PRMT8: variants seen among roughly 807,000 people sequenced by gnomAD.
PRMT8 encodes protein arginine methyltransferase 8.
A neutral mutation model predicts 47.1 loss-of-function variants in PRMT8; 7 were observed. That is an observed-to-expected ratio of 0.15 (90% CI 0.08 to 0.28). PRMT8 has a LOEUF of 0.28. Ranked by LOEUF, PRMT8 falls within the 10% of genes least tolerant of loss-of-function variation. The pLI, the probability that PRMT8 is intolerant of heterozygous loss-of-function variation, is 1.00. For missense variants in PRMT8, 237 were observed against 505.4 expected (o/e 0.47, Z 5.09); for synonymous variants, 188 against 186.5 (o/e 1.01, Z -0.07).
intron 1 of PRMT8, among the ~76,000 whole-genome samples, chr12:3,413,545 C>T (rs1864453568): frequency 6.6e-6 from 1 of 152,162 alleles, no homozygotes; most frequent in Non-Finnish European, 1.5e-5. Flanking sequence ...TCTTCAGGGG[C>T]AATAACAGGC....
rs547703908 is a variant in PRMT8, at chr12:3,466,431, G to A, written c.49-74175G>A. Among the ~76,000 whole-genome samples, 175 of 152,282 alleles carry A rather than the reference G, an allele frequency of 1.1e-3. 2 individuals are homozygous for A. The highest frequency in any genetic ancestry group is 4.0e-3 in the African/African-American group (166 of 41,556). On this transcript the variant is annotated intron_variant, in intron 1 of 9. Transcript: ENST00000452611. ...TGAGTGGAGTCCTGGCCCTGTTGTA[G>A]GTTAGTAGTGTGAATCTGGGCAAGT...
At chr12:3,420,659 G>A (rs1021902950) in intron 1 of PRMT8, among the ~76,000 whole-genome samples, 13 of 152,130 alleles carry the variant, frequency 8.5e-5, no homozygotes, top group Non-Finnish European at 1.3e-4. Context: ...CGGTGGAGGC[G>A]GTCACCACGG....
chr12:3,491,192 G>A (rs1591567610), upstream of PRMT8: 13 of 992,964 alleles, frequency 1.3e-5, no homozygotes, highest in African/African-American at 3.5e-5. Flanking sequence ...GAGACGCGCA[G>A]GAAGCGTGTT....
Position 3,564,113 on chromosome 12 carries a change from A to T in PRMT8, c.482-4593A>T, listed in dbSNP as rs961640449. Among the ~76,000 whole-genome samples, 4 of 152,236 alleles carry T rather than the reference A, an allele frequency of 2.6e-5. No individual in the cohort carries two copies. The highest frequency in any genetic ancestry group is 9.6e-5 in the African/African-American group (4 of 41,462). On this transcript the variant is annotated intron_variant, in intron 4 of 9. Coordinates refer to ENST00000382622, the MANE Select transcript of PRMT8 (RefSeq NM_019854.5). The surrounding 1 kb of genome is among the most constrained non-coding windows in gnomAD (Gnocchi z 4.0). ...GGCCCTCCGCAGGTGCAAGGCAGCC[A>T]GCATGGGTGTCACCAAAATAGGTGT...
At chr12:3,408,296 T>G (rs1330800184) in intron 1 of PRMT8, among the ~76,000 whole-genome samples, 1 of 151,876 alleles carries the variant, frequency 6.6e-6, no homozygotes, top group Non-Finnish European at 1.5e-5. Flanking sequence ...TGCAGTGGTG[T>G]GATTTCAGCT....
intron 1 of PRMT8, among the ~76,000 whole-genome samples, chr12:3,397,468 C>A (rs1446476922): frequency 4.7e-5 from 7 of 150,330 alleles, no homozygotes; most frequent in Admixed American, 4.6e-4. Context: ...GAGTACTGGG[C>A]CCTGTGAGGT....
chr12:3,586,968 T>A (rs1288295111), intron 8 of PRMT8, among the ~76,000 whole-genome samples: 1 of 152,194 alleles, frequency 6.6e-6, no homozygotes, highest in Non-Finnish European at 1.5e-5. Flanking sequence ...GGGGCTCTGT[T>A]TCTAGCAGGT....
intron 1 of PRMT8, among the ~76,000 whole-genome samples, chr12:3,530,646 A>C (rs190089008): frequency 2.0e-5 from 3 of 152,156 alleles, no homozygotes; most frequent in Non-Finnish European, 4.4e-5. Context: ...GCAGAACCAA[A>C]GGCTTGAGAG....
chr12:3,476,961 C>T (rs780873223), intron 1 of PRMT8, among the ~76,000 whole-genome samples: 5 of 152,168 alleles, frequency 3.3e-5, no homozygotes, highest in South Asian at 2.1e-4. Flanking sequence ...AGAGAGAATC[C>T]GTATCCTGCA....
At chr12:3,536,115 G>GT (rs1205275725) in intron 1 of PRMT8, among the ~76,000 whole-genome samples, 1 of 152,174 alleles carries the variant, frequency 6.6e-6, no homozygotes, top group Non-Finnish European at 1.5e-5. Flanking sequence ...TATGTCTCTT[G>GT]TTTCTTTCAC....
At chr12:3,390,855 C>T (rs1016441576) in intron 1 of PRMT8, among the ~76,000 whole-genome samples, 2 of 152,204 alleles carry the variant, frequency 1.3e-5, no homozygotes, top group Non-Finnish European at 2.9e-5. Context: ...CACCACTGAG[C>T]CTCCGGAGCC....
At chr12:3,454,241 T>C (rs1196375130) in intron 1 of PRMT8, among the ~76,000 whole-genome samples, 1 of 151,906 alleles carries the variant, frequency 6.6e-6, no homozygotes, top group Non-Finnish European at 1.5e-5. Context: ...AAGCCGCTTC[T>C]TCTGACTCCC....
intron 4 of PRMT8, among the ~76,000 whole-genome samples, chr12:3,554,674 G>A (rs1591599837): frequency 6.6e-6 from 1 of 152,140 alleles, no homozygotes; most frequent in Admixed American, 6.5e-5. Context: ...GGGGTCTGGG[G>A]CAGGGGGAAA....
intron 1 of PRMT8, among the ~76,000 whole-genome samples, chr12:3,434,006 G>A (rs907722767): frequency 6.6e-6 from 1 of 152,188 alleles, no homozygotes; most frequent in Non-Finnish European, 1.5e-5. Flanking sequence ...AAAACTGTTA[G>A]ATGTTCTTCA....
At chr12:3,487,909 C>G (rs77165867), upstream of PRMT8, among the ~76,000 whole-genome samples, 1 of 152,160 alleles carries the variant, frequency 6.6e-6, no homozygotes, top group East Asian at 1.9e-4. Context: ...AATCCTGATG[C>G]CCAAACCTCA....
Position 3,572,282 on chromosome 12 carries a change from A to C in PRMT8, c.712+2718A>C, listed in dbSNP as rs1008972674. 6.6e-6 allele frequency among the ~76,000 whole-genome samples: 1 copy of C among 152,244 alleles called. No homozygotes were observed. The highest frequency in any genetic ancestry group is 2.4e-5 in the African/African-American group (1 of 41,466). On this transcript the variant is annotated intron_variant, in intron 6 of 9. Coordinates refer to ENST00000382622, the MANE Select transcript of PRMT8 (RefSeq NM_019854.5). The surrounding 1 kb of genome is among the most constrained non-coding windows in gnomAD (Gnocchi z 5.9). ...GGAAGGAAAGTGAACCAGCAGAGGG[A>C]TGTGCAAGGTGTAGTATTTAACTCT...
In PRMT8 at chr12:3,438,261, C is replaced by T. The variant is rs1462879151; in HGVS notation, c.48+56819C>T. The stretch of plus-strand genomic sequence containing the variant: ...TTATGCAAGGTCCTCCTGCAAGGAC[C>T]GTCTCCCGTTTAGTCATTCGCGGTT... On this transcript the variant is annotated intron_variant, in intron 1 of 9. Transcript: ENST00000452611. Among the ~76,000 whole-genome samples the T allele has an allele frequency of 5.9e-5, 9 of 152,300 alleles. No homozygotes were observed. The South Asian group carries it at 6.2e-4, about 11-fold the overall frequency.
intron 1 of PRMT8, among the ~76,000 whole-genome samples, chr12:3,459,862 T>A (rs1480178489): frequency 6.6e-6 from 1 of 152,158 alleles, no homozygotes; most frequent in Non-Finnish European, 1.5e-5. Flanking sequence ...GGACGGAATC[T>A]CTTAGTCCCT....
intron 8 of PRMT8, among the ~76,000 whole-genome samples, chr12:3,584,353 G>A (rs1867127239): frequency 6.6e-6 from 1 of 152,188 alleles, no homozygotes; most frequent in African/African-American, 2.4e-5. Context: ...AGGTACTGGG[G>A]ATTAGGACTT....
Sources: gnomAD v4.1 joint callset for allele counts (sites outside exome capture counted in the v4.1 genomes callset) on GRCh38, gnomAD v4.1.1 for gene constraint, Gnocchi (gnomAD v3.1) non-coding constraint, MANE v1.5 for transcripts, NCBI Gene and HGNC (gene_info 2026-07-23, HGNC 2026-07-21) for gene names.